The following ADAMTS16 variants were observed in gnomAD, a reference collection of about 807,000 sequenced individuals.
ADAMTS16 encodes A disintegrin and metalloproteinase with thrombospondin motifs 16.
A neutral mutation model predicts 145.8 loss-of-function variants in ADAMTS16; 94 were observed. That is an observed-to-expected ratio of 0.64 (90% CI 0.55 to 0.77). The LOEUF is 0.77. Among genes scored for constraint, ADAMTS16 ranks in the 30% least tolerant of loss-of-function variants. The pLI is 0.00. For missense variants in ADAMTS16, 1,585 were observed against 1,591.5 expected (o/e 1.00, Z 0.07); for synonymous variants, 659 against 604.3 (o/e 1.09, Z -1.33).
intron 8 of ADAMTS16, among the ~76,000 whole-genome samples, chr5:5,199,090 G>T (rs777045088): frequency 2.6e-5 from 4 of 152,216 alleles, no homozygotes; most frequent in Admixed American, 1.3e-4. Flanking sequence ...TCCCAAGGAA[G>T]TATGTTGTGT....
At chr5:5,229,291 C>G (rs866498834) in intron 11 of ADAMTS16, among the ~76,000 whole-genome samples, 2 of 107,954 alleles carry the variant, frequency 1.9e-5, no homozygotes, top group Admixed American at 1.3e-4. Flanking sequence ...GGCGACAGAG[C>G]GAGACTCCGT....
intron 10 of ADAMTS16, among the ~76,000 whole-genome samples, chr5:5,211,199 G>A (rs989323092): frequency 2.2e-4 from 33 of 152,120 alleles, no homozygotes; most frequent in African/African-American, 7.7e-4. Context: ...ATTCACCAGT[G>A]AGCTCTGTCT....
chr5:5,210,791 A>T (rs926386679), intron 10 of ADAMTS16, among the ~76,000 whole-genome samples: 1 of 152,052 alleles, frequency 6.6e-6, no homozygotes, highest in Non-Finnish European at 1.5e-5. Context: ...AATTGTGTTG[A>T]ATATTGTCAA....
At chr5:5,181,920 C>T in intron 3 of ADAMTS16, 124 bp from the exon 4 acceptor site, 1 of 1,135,514 alleles carries the variant, frequency 8.8e-7, no homozygotes. Flanking sequence ...CCAATGTTCG[C>T]TCTCACTGGA....
chr5:5,222,677 C>A (rs146286187), intron 10 of ADAMTS16, 112 bp from the exon 11 acceptor site: 2 of 842,728 alleles, frequency 2.4e-6, no homozygotes, highest in African/African-American at 3.4e-5. Context: ...AGTAGGCATT[C>A]GCTTGTAAAT....
chr5:5,142,220 C>T (rs540177259), intron 2 of ADAMTS16: 7 of 152,272 alleles, frequency 4.6e-5, no homozygotes, highest in African/African-American at 1.7e-4. Flanking sequence ...GGGCTTCGTG[C>T]CTAAGTGTGC....
chr5:5,280,629 A>T (rs1380335500), intron 18 of ADAMTS16, among the ~76,000 whole-genome samples: 1 of 152,100 alleles, frequency 6.6e-6, no homozygotes, highest in Admixed American at 6.6e-5. Context: ...AGAATTGGGG[A>T]TGGTGGTGGA....
At chr5:5,184,343 C>T (rs1034562797) in intron 4 of ADAMTS16, among the ~76,000 whole-genome samples, 1 of 152,200 alleles carries the variant, frequency 6.6e-6, no homozygotes, top group Non-Finnish European at 1.5e-5. Flanking sequence ...GGCACTGTCA[C>T]CGATGCATGG....
At chr5:5,169,746 CCA>C (rs1734998544) in intron 3 of ADAMTS16, among the ~76,000 whole-genome samples, 1 of 152,252 alleles carries the variant, frequency 6.6e-6, no homozygotes, top group African/African-American at 2.4e-5. Flanking sequence ...TCGTCCACGC[CCA>C]GTTTCTGCTG....
At chr5:5,263,899 T>G (rs1296208295) in intron 18 of ADAMTS16, among the ~76,000 whole-genome samples, 4 of 152,136 alleles carry the variant, frequency 2.6e-5, no homozygotes, top group Non-Finnish European at 5.9e-5. Context: ...CCAAGAAGAA[T>G]GAGGTCATGC....
intron 17 of ADAMTS16, among the ~76,000 whole-genome samples, chr5:5,261,938 C>G (rs541777393): frequency 6.1e-4 from 93 of 152,314 alleles, no homozygotes; most frequent in African/African-American, 1.7e-3. Flanking sequence ...TCCCCCTCCT[C>G]CAAGACCCTG....
chr5:5,313,925 T>A (rs1384726913), intron 21 of ADAMTS16, among the ~76,000 whole-genome samples: 2 of 152,168 alleles, frequency 1.3e-5, no homozygotes, highest in African/African-American at 2.4e-5. Flanking sequence ...GCTGTCATCA[T>A]CTCCCAAAAT....
At chr5:5,257,514 A>G (rs374195809) in intron 17 of ADAMTS16, among the ~76,000 whole-genome samples, 40 of 152,378 alleles carry the variant, frequency 2.6e-4, no homozygotes, top group East Asian at 9.6e-4. Context: ...GACGTAATGC[A>G]AACTGCAACG....
chr5:5,240,793 G>A (rs1451756684), intron 16 of ADAMTS16, among the ~76,000 whole-genome samples: 1 of 152,094 alleles, frequency 6.6e-6, no homozygotes, highest in Non-Finnish European at 1.5e-5. Context: ...TCCTGCCCCT[G>A]AACTCTTTCA....
rs199633669 is a variant in ADAMTS16, at chr5:5,186,130, T to C, written c.842T>C (p.Leu281Pro). 7.6e-5 allele frequency: 122 copies of C among 1,614,140 alleles called. No individual in the cohort carries two copies. In the African/African-American group the frequency reaches 1.4e-3, roughly 18 times the overall value. Reference protein sequence around the residue: ...YKSCLRHKRSLLRSHRNEELN... With the variant: ...YKSCLRHKRSPLRSHRNEELN... ...TCTTGCTTACGGCATAAGCGCTCTC[T>C]TCTGAGGTCCCATAGAAATGAAGAA... Residue 281 changes from leucine (L) to proline (P), a missense_variant, in exon 5 of 23, where the codon CTT (leucine) becomes CCT (proline). Physicochemically the swap from Leu to Pro is moderately conservative, Grantham distance 98. Transcript: ENST00000274181.
At chr5:5,300,352 G>A (rs746843434) in intron 18 of ADAMTS16, among the ~76,000 whole-genome samples, 2 of 152,146 alleles carry the variant, frequency 1.3e-5, no homozygotes, top group Admixed American at 6.5e-5. Flanking sequence ...TTTTCATAAT[G>A]AGGATGTGTA....
At position 5,207,386 on chromosome 5, in the gene ADAMTS16, GC is replaced by G. The variant is rs796693918; in HGVS notation, c.1452-1706del. ...AAAGCAATTGACTTTTGCATATTAA[GC>G]TTTTATCCTGCAACTTTGCCGTAAC... On this transcript the variant is annotated intron_variant, in intron 9 of 22. Transcript: ENST00000274181. 3.7e-4 allele frequency among the ~76,000 whole-genome samples: 57 copies of G among 152,024 alleles called. 1 individual carries two copies. The highest frequency in any genetic ancestry group is 1.1e-3 in the African/African-American group (46 of 41,460).
chr5:5,191,974 A>C (rs1735673296), intron 8 of ADAMTS16, among the ~76,000 whole-genome samples, 184 bp downstream of exon 8: 1 of 150,566 alleles, frequency 6.6e-6, no homozygotes, highest in South Asian at 2.1e-4. Flanking sequence ...ACATCGTGCA[A>C]ATTTTATTTT....
chr5:5,153,509 C>T (rs1259169907), intron 3 of ADAMTS16, among the ~76,000 whole-genome samples: 1 of 152,078 alleles, frequency 6.6e-6, no homozygotes. Flanking sequence ...TTTTATAATC[C>T]ACTTCATCTG....
Sources: allele counts gnomAD v4.1 joint callset (sites outside exome capture counted in the v4.1 genomes callset), GRCh38; gene constraint gnomAD v4.1.1; transcripts MANE v1.5; gene names NCBI Gene and HGNC (gene_info 2026-07-23, HGNC 2026-07-21).